The following AUTS2 variants were observed in gnomAD, a reference collection of about 807,000 sequenced individuals.
AUTS2 encodes autism susceptibility gene 2 protein.
In AUTS2, 17 loss-of-function variants were observed where a neutral mutation model predicts 112.4. That is an observed-to-expected ratio of 0.15 (90% CI 0.10 to 0.23). The LOEUF is 0.23. AUTS2 is among the 10% of genes least tolerant of loss of function. AUTS2 has a pLI of 1.00. For missense variants in AUTS2, 1,510 were observed against 1,701.6 expected, an observed-to-expected ratio of 0.89 and a Z score of 1.98; for synonymous variants, 751 against 702.7, an observed-to-expected ratio of 1.07 and a Z score of -1.09.
intron 4 of AUTS2, among the ~76,000 whole-genome samples, chr7:70,377,457 T>A (rs1208373914): frequency 6.8e-6 from 1 of 146,520 alleles, no homozygotes; most frequent in Non-Finnish European, 1.5e-5. Context: ...ATTTAAATAG[T>A]TTATATTTAA....
intron 1 of AUTS2, among the ~76,000 whole-genome samples, chr7:69,768,807 C>A (rs761502592): frequency 6.6e-6 from 1 of 152,072 alleles, no homozygotes; most frequent in Non-Finnish European, 1.5e-5. Context: ...CCAGAGAAGA[C>A]GGGCTCCTGC....
chr7:70,268,995 C>T (rs564775749), intron 4 of AUTS2, among the ~76,000 whole-genome samples: 1 of 152,240 alleles, frequency 6.6e-6, no homozygotes, highest in African/African-American at 2.4e-5. Flanking sequence ...AGAATGAAAA[C>T]CTTAATCGTC....
At chr7:69,602,018 G>GTATA (rs765066810) in intron 1 of AUTS2, among the ~76,000 whole-genome samples, 169 of 22,704 alleles carry the variant, frequency 7.4e-3, no homozygotes, top group African/African-American at 0.018. Flanking sequence ...ATATGTGTGT[G>GTATA]TGTATATATA....
At chr7:70,711,684 C>A (rs1810058206) in intron 6 of AUTS2, among the ~76,000 whole-genome samples, 1 of 152,200 alleles carries the variant, frequency 6.6e-6, no homozygotes, top group Non-Finnish European at 1.5e-5. Flanking sequence ...ATGCTAGTTA[C>A]TGCTGCAAGT....
At chr7:70,063,535 C>T (rs1294697459) in intron 2 of AUTS2, among the ~76,000 whole-genome samples, 2 of 152,164 alleles carry the variant, frequency 1.3e-5, no homozygotes, top group African/African-American at 2.4e-5. Flanking sequence ...AACCAGAGAT[C>T]ATAGCACCTC....
chr7:69,809,314 G>T (rs1021771261), intron 1 of AUTS2, among the ~76,000 whole-genome samples: 1 of 151,636 alleles, frequency 6.6e-6, no homozygotes, highest in Non-Finnish European at 1.5e-5. Context: ...TCCTGACCTC[G>T]TGATCTGCCC....
chr7:69,981,772 T>C (rs1239746892), intron 2 of AUTS2, among the ~76,000 whole-genome samples: 2 of 152,232 alleles, frequency 1.3e-5, no homozygotes, highest in African/African-American at 2.4e-5. Flanking sequence ...TGAGATATGC[T>C]AACAGACATC....
At chr7:70,730,204 A>G (rs1787294105) in intron 6 of AUTS2, among the ~76,000 whole-genome samples, 2 of 148,752 alleles carry the variant, frequency 1.3e-5, no homozygotes, top group Admixed American at 1.4e-4. Context: ...ATTAAGCAGT[A>G]AAAGGACAAC....
intron 2 of AUTS2, among the ~76,000 whole-genome samples, chr7:69,963,534 A>G (rs1306123496): frequency 2.0e-5 from 3 of 152,178 alleles, no homozygotes; most frequent in Non-Finnish European, 2.9e-5. Context: ...TGATGTTTCT[A>G]TAAGTGTCTT....
chr7:69,799,526 G>A (rs1234199776), intron 1 of AUTS2, among the ~76,000 whole-genome samples: 1 of 152,170 alleles, frequency 6.6e-6, no homozygotes, highest in African/African-American at 2.4e-5. Context: ...ATGGGTTCAT[G>A]AGCATGGGAC....
At chr7:69,753,875 C>A (rs546695875) in intron 1 of AUTS2, among the ~76,000 whole-genome samples, 1 of 152,278 alleles carries the variant, frequency 6.6e-6, no homozygotes, top group East Asian at 1.9e-4. Context: ...GACCAGCAGG[C>A]CATGCATGGG....
rs567843423 is a variant in AUTS2, at chr7:70,161,038, T to C, written c.660+26467T>C. On this transcript the variant is annotated intron_variant, in intron 4 of 18. Transcript: ENST00000342771. ...GATGCTGAAACTAATCCCATGGAGT[T>C]CTATTTCCGTGGGAATTAGGCAGTT... 4.6e-5 allele frequency among the ~76,000 whole-genome samples: 7 copies of C among 152,342 alleles called. No homozygotes were observed. In the South Asian group the frequency reaches 1.5e-3, roughly 32 times the overall value.
At chr7:69,621,240 A>T (rs1242572710) in intron 1 of AUTS2, among the ~76,000 whole-genome samples, 1 of 152,182 alleles carries the variant, frequency 6.6e-6, no homozygotes, top group Admixed American at 6.5e-5. Context: ...CGAGTGTGTC[A>T]GTGGTGGAGC....
Position 70,414,537 on chromosome 7 carries a change from C to T in AUTS2, c.661-21215C>T, listed in dbSNP as rs147244969. ...CTGGGTATCAGACATATTAAGCCTG[C>T]ATTCATCTGACAGGCCTCCAGAACG... On this transcript the variant is annotated intron_variant, in intron 4 of 18. Transcript: ENST00000342771. 1.3e-3 allele frequency among the ~76,000 whole-genome samples: 197 copies of T among 152,278 alleles called. 3 individuals are homozygous for T. In the East Asian group the frequency reaches 0.024, roughly 18 times the overall value.
chr7:70,303,796 C>T (rs1789356893), intron 4 of AUTS2, among the ~76,000 whole-genome samples: 1 of 152,118 alleles, frequency 6.6e-6, no homozygotes, highest in Non-Finnish European at 1.5e-5. Context: ...CTCTTCCTCA[C>T]CCCTCCCAGA....
intron 5 of AUTS2, among the ~76,000 whole-genome samples, chr7:70,503,964 G>C (rs1798867810): frequency 6.6e-6 from 1 of 151,632 alleles, no homozygotes; most frequent in East Asian, 1.9e-4. Flanking sequence ...ATTTGAGGTT[G>C]CTTGTTAGTT....
At chr7:70,563,180 A>ATT (rs1046275510) in intron 5 of AUTS2, among the ~76,000 whole-genome samples, 1 of 152,156 alleles carries the variant, frequency 6.6e-6, no homozygotes, top group Non-Finnish European at 1.5e-5. Flanking sequence ...CAGTGGTAGG[A>ATT]TTTTATCATT....
chr7:70,251,342 C>T (rs952771867), intron 4 of AUTS2, among the ~76,000 whole-genome samples: 9 of 152,084 alleles, frequency 5.9e-5, no homozygotes, highest in African/African-American at 1.9e-4. Flanking sequence ...GGATTACAGG[C>T]GTGAACCACC....
intron 1 of AUTS2, among the ~76,000 whole-genome samples, chr7:69,841,653 G>A (rs1791986037): frequency 6.6e-6 from 1 of 152,212 alleles, no homozygotes; most frequent in Non-Finnish European, 1.5e-5. Flanking sequence ...AGCCAGTGTC[G>A]TGAAACAAAT....
Sources: allele counts gnomAD v4.1 joint callset (sites outside exome capture counted in the v4.1 genomes callset), GRCh38; gene constraint gnomAD v4.1.1; transcripts MANE v1.5; gene names NCBI Gene and HGNC (gene_info 2026-07-23, HGNC 2026-07-21).